PCDH15: variants seen among roughly 807,000 people sequenced by gnomAD.
PCDH15 encodes the protein protocadherin-15.
PCDH15 carries 129 observed loss-of-function variants against 178.5 expected under a neutral mutation model. The ratio of observed to expected loss-of-function variants is 0.72; its 90% CI spans 0.63 to 0.84. PCDH15 has a LOEUF of 0.84. PCDH15 is among the 40% of genes least tolerant of loss of function. The pLI is 0.00. For synonymous variants in PCDH15, 800 were observed against 732.0 expected (o/e 1.09, Z -1.50); for missense variants, 2,230 against 2,099.9 (o/e 1.06, Z -1.21).
At chr10:55,569,268 C>T (rs1399833678) in intron 2 of PCDH15, among the ~76,000 whole-genome samples, 1 of 151,918 alleles carries the variant, frequency 6.6e-6, no homozygotes, top group African/African-American at 2.4e-5. Context: ...CAATAAGATG[C>T]TTCAGTACTT....
chr10:55,576,537 T>C (rs1842499269), intron 2 of PCDH15, among the ~76,000 whole-genome samples: 1 of 152,198 alleles, frequency 6.6e-6, no homozygotes, highest in Non-Finnish European at 1.5e-5. Context: ...TACATGGAAA[T>C]GAATACTCCC....
intron 1 of PCDH15, among the ~76,000 whole-genome samples, chr10:54,698,914 C>T (rs2095270852): frequency 6.6e-6 from 1 of 152,092 alleles, no homozygotes; most frequent in Non-Finnish European, 1.5e-5. Flanking sequence ...ATGATTATGA[C>T]TTTTCTGTGT....
At chr10:54,781,329 C>G (rs1012683190) in intron 1 of PCDH15, among the ~76,000 whole-genome samples, 1 of 151,942 alleles carries the variant, frequency 6.6e-6, no homozygotes, top group Non-Finnish European at 1.5e-5. Context: ...CACCATCCCC[C>G]GACAGGCCCT....
chr10:54,601,378 A>G (rs570738377), intron 2 of PCDH15, among the ~76,000 whole-genome samples: 8 of 152,188 alleles, frequency 5.3e-5, no homozygotes, highest in African/African-American at 1.9e-4. Context: ...AAGTATATGA[A>G]CAGACACTTT....
chr10:54,132,772 T>C, intron 15 of PCDH15, 103 bp downstream of exon 15: 1 of 1,518,000 alleles, frequency 6.6e-7, no homozygotes. Flanking sequence ...GAGGCAAGCA[T>C]GTGAGGTTTC....
intron 8 of PCDH15, among the ~76,000 whole-genome samples, chr10:54,260,051 C>T (rs1272051952): frequency 6.6e-6 from 1 of 152,066 alleles, no homozygotes; most frequent in African/African-American, 2.4e-5. Flanking sequence ...TATAACCTGT[C>T]AACTTTGATT....
intron 1 of PCDH15, among the ~76,000 whole-genome samples, chr10:55,224,799 C>T (rs1265238119): frequency 2.6e-5 from 4 of 152,120 alleles, no homozygotes; most frequent in African/African-American, 9.7e-5. Flanking sequence ...ACTTACAACT[C>T]ATCTCACACT....
intron 21 of PCDH15, among the ~76,000 whole-genome samples, chr10:53,993,656 T>TA (rs139566142): frequency 2.0e-5 from 3 of 151,926 alleles, no homozygotes; most frequent in African/African-American, 4.8e-5. Context: ...GCATAACATT[T>TA]AAAAAAAAGT....
intron 1 of PCDH15, among the ~76,000 whole-genome samples, chr10:54,710,483 A>C (rs892849749): frequency 7.2e-5 from 11 of 152,142 alleles, no homozygotes; most frequent in African/African-American, 2.4e-4. Context: ...TTAGAATAGC[A>C]GTATATTATG....
intron 21 of PCDH15, among the ~76,000 whole-genome samples, chr10:53,973,215 T>C (rs1262511294): frequency 6.7e-6 from 1 of 148,192 alleles, no homozygotes; most frequent in Non-Finnish European, 1.5e-5. Context: ...ACCACATGTT[T>C]TCACTCATAG....
intron 8 of PCDH15, among the ~76,000 whole-genome samples, chr10:54,239,638 T>C (rs554780865): frequency 5.9e-4 from 90 of 152,122 alleles, no homozygotes; most frequent in Non-Finnish European, 1.1e-3. Flanking sequence ...ACATTATTAA[T>C]AAATAAATTA....
At chr10:54,630,770 A>C (rs998452216) in intron 2 of PCDH15, among the ~76,000 whole-genome samples, 24 of 152,188 alleles carry the variant, frequency 1.6e-4, no homozygotes, top group Admixed American at 1.4e-3. Flanking sequence ...ACAGAAGTCT[A>C]ATATCCGGAG....
intron 2 of PCDH15, among the ~76,000 whole-genome samples, chr10:55,417,546 CTTTTATT>C (rs1838513910): frequency 6.6e-6 from 1 of 151,326 alleles, no homozygotes; most frequent in African/African-American, 2.4e-5. Context: ...AAGAAAAAAT[CTTTTATT>C]TTAGCAGCCA....
At chr10:54,724,899 T>C (rs1231383003) in intron 1 of PCDH15, among the ~76,000 whole-genome samples, 3 of 53,970 alleles carry the variant, frequency 5.6e-5, no homozygotes, top group Admixed American at 4.3e-4. Flanking sequence ...AAATAGTACA[T>C]ATATATATAG....
chr10:53,967,797 G>A (rs12240343), intron 21 of PCDH15, among the ~76,000 whole-genome samples: 6,104 of 151,922 alleles, frequency 0.04, 384 homozygotes, highest in African/African-American at 0.14. Context: ...ATATTCTACC[G>A]TATCTCTCTA....
At chr10:54,954,084 A>T (rs140508255) in intron 2 of PCDH15, among the ~76,000 whole-genome samples, 1 of 151,334 alleles carries the variant, frequency 6.6e-6, no homozygotes, top group Non-Finnish European at 1.5e-5. Flanking sequence ...ACAAGCACTA[A>T]CACTGTCTTG....
At chr10:55,481,209 T>G (rs369375521) in intron 2 of PCDH15, among the ~76,000 whole-genome samples, 1 of 151,890 alleles carries the variant, frequency 6.6e-6, no homozygotes. Flanking sequence ...TGATTGTATT[T>G]ATTTGAATCT....
Position 53,811,588 on chromosome 10 carries a change from C to T in PCDH15, c.4523G>A (p.Gly1508Asp). The part of the protein sequence containing the change: ...ELSMESGIDP[G>D]QEYGQDYYSY... ...GTAATAATCTTGTCCATATTCCTGG[C>T]CAGGATCAATTCCAGACTCCATGGA... Residue 1508 changes from glycine (G) to aspartate (D), a missense_variant, in exon 36 of 38, where the codon GGC becomes GAC. Transcript: ENST00000644397. 1 of 1,570,012 alleles carries T rather than the reference C, an allele frequency of 6.4e-7. No individual in the cohort carries two copies. The highest frequency in any genetic ancestry group is 8.6e-7 in the Non-Finnish European group (1 of 1,158,100).
At position 53,913,985 on chromosome 10, in the gene PCDH15, T is replaced by A. The variant is rs530719451; in HGVS notation, c.3374-10615A>T. On this transcript the variant is annotated intron_variant, in intron 25 of 37. Transcript: ENST00000644397. ...AACAGACACTTTTCAAAAGAAGACA[T>A]TTATGCAGCCAACAGACACATGAAA... Among the ~76,000 whole-genome samples, 39 of 152,234 alleles carry A rather than the reference T, an allele frequency of 2.6e-4. 2 individuals are homozygous for A. The South Asian group carries it at 8.1e-3, about 32-fold the overall frequency.
Sources: allele counts gnomAD v4.1 joint callset (sites outside exome capture counted in the v4.1 genomes callset), GRCh38; gene constraint gnomAD v4.1.1; transcripts MANE v1.5; gene names NCBI Gene and HGNC (gene_info 2026-07-23, HGNC 2026-07-21).